Variants in IL1RAPL1 observed in about 807,000 individuals in gnomAD.
IL1RAPL1 encodes the protein interleukin-1 receptor accessory protein-like 1.
A neutral mutation model predicts 48.4 loss-of-function variants in IL1RAPL1; 3 were observed. The ratio of observed to expected loss-of-function variants is 0.06; its 90% CI spans 0.03 to 0.16. The LOEUF (loss-of-function observed/expected upper bound fraction) is 0.16, where lower values mean the gene tolerates loss of function less well. Ranked by LOEUF, IL1RAPL1 falls within the 10% of genes least tolerant of loss-of-function variation. The pLI, the probability that IL1RAPL1 is intolerant of heterozygous loss-of-function variation, is 1.00. For missense variants in IL1RAPL1, 349 were observed against 530.6 expected (o/e 0.66, Z 3.36); for synonymous variants, 185 against 187.7 (o/e 0.99, Z 0.12).
At chrX:29,683,837 G>C (rs758169968) in intron 6 of IL1RAPL1, among the ~76,000 whole-genome samples, 56 of 112,027 alleles carry the variant, frequency 5.0e-4, no homozygotes, top group Non-Finnish European at 9.8e-4. Context: ...AAATGTTTCT[G>C]TATTATCCAG....
At chrX:29,819,440 A>C (rs1029699717) in intron 6 of IL1RAPL1, among the ~76,000 whole-genome samples, 1 of 111,486 alleles carries the variant, frequency 9.0e-6, no homozygotes, top group Non-Finnish European at 1.9e-5. Context: ...CAAAATCCTC[A>C]ACTGCTTTAA....
At chrX:28,876,452 A>G (rs1169799815) in intron 2 of IL1RAPL1, among the ~76,000 whole-genome samples, 1 of 111,889 alleles carries the variant, frequency 8.9e-6, no homozygotes, top group African/African-American at 3.3e-5. Flanking sequence ...TTAGAAGAGC[A>G]TTAGATATCT....
chrX:29,112,429 A>G (rs1306623478), intron 2 of IL1RAPL1, among the ~76,000 whole-genome samples: 2 of 106,833 alleles, frequency 1.9e-5, no homozygotes, highest in Admixed American at 2.0e-4. Context: ...TTTATAATCT[A>G]CCAGGAATTG....
intron 1 of IL1RAPL1, among the ~76,000 whole-genome samples, chrX:28,682,472 C>A (rs371288612): frequency 7.2e-5 from 8 of 110,813 alleles, no homozygotes; most frequent in African/African-American, 2.3e-4. Flanking sequence ...CCACACGCAG[C>A]TAATTTTTTT....
chrX:29,897,709 T>C (rs1313566073), intron 6 of IL1RAPL1, among the ~76,000 whole-genome samples: 1 of 111,516 alleles, frequency 9.0e-6, no homozygotes, highest in African/African-American at 3.3e-5. Flanking sequence ...TCTCTTCTAA[T>C]ACTTGCTTAT....
intron 1 of IL1RAPL1, among the ~76,000 whole-genome samples, chrX:28,677,856 G>C (rs1213330838): frequency 9.0e-6 from 1 of 111,298 alleles, no homozygotes; most frequent in Non-Finnish European, 1.9e-5. Flanking sequence ...CCAAAGTGTT[G>C]GGATTATAGA....
intron 6 of IL1RAPL1, among the ~76,000 whole-genome samples, chrX:29,817,096 T>C (rs1930513679): frequency 9.0e-6 from 1 of 111,321 alleles, no homozygotes; most frequent in Non-Finnish European, 1.9e-5. Flanking sequence ...TAATCAGACA[T>C]TTCAATTCCT....
At chrX:28,660,086 GGTGTGTGTGTGTGTGTGTGTGT>G (rs60600833) in intron 1 of IL1RAPL1, among the ~76,000 whole-genome samples, 87 of 76,442 alleles carry the variant, frequency 1.1e-3, no homozygotes, top group Admixed American at 4.1e-3. Flanking sequence ...GAGTGAGGAT[GGTGTGTGTGTGTGTGTGTGTGT>G]GTGTGTGTGT....
intron 2 of IL1RAPL1, among the ~76,000 whole-genome samples, chrX:29,145,099 T>C (rs997831824): frequency 9.0e-6 from 1 of 111,134 alleles, no homozygotes; most frequent in African/African-American, 3.3e-5. Context: ...TGTTGAGAGA[T>C]ACGGACATAA....
chrX:29,285,298 C>T (rs1169005970), intron 3 of IL1RAPL1, among the ~76,000 whole-genome samples: 1 of 108,875 alleles, frequency 9.2e-6, no homozygotes, highest in Non-Finnish European at 1.9e-5. Flanking sequence ...TTTGGGAGGC[C>T]GAGGTGGGCA....
intron 2 of IL1RAPL1, among the ~76,000 whole-genome samples, chrX:28,961,658 G>A (rs1924781670): frequency 9.0e-6 from 1 of 111,312 alleles, no homozygotes; most frequent in African/African-American, 3.3e-5. Context: ...CTTCATCCAT[G>A]TCCCTGCAAA....
intron 6 of IL1RAPL1, among the ~76,000 whole-genome samples, chrX:29,745,444 T>TTTG (rs1928310670): frequency 1.2e-5 from 1 of 82,232 alleles, no homozygotes; most frequent in African/African-American, 4.6e-5. Flanking sequence ...TTTTTTTTTT[T>TTTG]TTTTTTTTTT....
chrX:29,702,445 C>T (rs754047347), intron 6 of IL1RAPL1, among the ~76,000 whole-genome samples: 3 of 110,872 alleles, frequency 2.7e-5, no homozygotes, highest in South Asian at 7.8e-4. Flanking sequence ...AGACATTTGC[C>T]GTTCACCAAC....
intron 3 of IL1RAPL1, among the ~76,000 whole-genome samples, chrX:29,323,987 A>G (rs1053224334): frequency 9.5e-6 from 1 of 105,140 alleles, no homozygotes; most frequent in Non-Finnish European, 1.9e-5. Context: ...AATATTTTGT[A>G]CCTCTTGTTT....
chrX:29,434,551 A>C (rs1010299307), intron 5 of IL1RAPL1, among the ~76,000 whole-genome samples: 2 of 110,558 alleles, frequency 1.8e-5, no homozygotes, highest in African/African-American at 3.3e-5. Flanking sequence ...CACTTCTCCA[A>C]AGTTATTTAT....
At chrX:29,592,763 A>G (rs1222988597) in intron 5 of IL1RAPL1, among the ~76,000 whole-genome samples, 6 of 92,963 alleles carry the variant, frequency 6.5e-5, no homozygotes, top group African/African-American at 2.5e-4. Flanking sequence ...CTGAGATTTT[A>G]TGGTGCCGAG....
At chrX:29,427,139 A>G (rs887132605) in intron 5 of IL1RAPL1, among the ~76,000 whole-genome samples, 4 of 111,866 alleles carry the variant, frequency 3.6e-5, no homozygotes, top group Non-Finnish European at 7.5e-5. Flanking sequence ...TTTGCCCCGT[A>G]TGGTTGTTAG....
intron 1 of IL1RAPL1, among the ~76,000 whole-genome samples, chrX:28,690,223 AT>A (rs1483835835): frequency 9.0e-6 from 1 of 111,708 alleles, no homozygotes; most frequent in Non-Finnish European, 1.9e-5. Context: ...ACAGCTTGAT[AT>A]AGTTCCAACT....
At chrX:28,655,648 A>G (rs1934740926) in intron 1 of IL1RAPL1, among the ~76,000 whole-genome samples, 1 of 112,086 alleles carries the variant, frequency 8.9e-6, no homozygotes, top group Non-Finnish European at 1.9e-5. Context: ...GAACTGACAG[A>G]TCGACAAAAG....
Sources: allele counts gnomAD v4.1 joint callset (sites outside exome capture counted in the v4.1 genomes callset), GRCh38; gene constraint gnomAD v4.1.1; transcripts MANE v1.5; gene names NCBI Gene and HGNC (gene_info 2026-07-23, HGNC 2026-07-21).